The following CHMP2B variants were observed in gnomAD, a reference collection of about 807,000 sequenced individuals.
CHMP2B encodes the protein charged multivesicular body protein 2B, also known as VPS2 homolog B.
CHMP2B carries 22 observed loss-of-function variants against 29.8 expected under a neutral mutation model. The ratio of observed to expected loss-of-function variants is 0.74; its 90% CI spans 0.53 to 1.05. CHMP2B has a LOEUF of 1.05. Among genes scored for constraint, CHMP2B ranks in the 50% least tolerant of loss-of-function variants. The pLI is 0.00. For synonymous variants in CHMP2B, 78 were observed against 75.8 expected, an observed-to-expected ratio of 1.03 and a Z score of -0.15; for missense variants, 261 against 252.2, an observed-to-expected ratio of 1.03 and a Z score of -0.24.
chr3:87,246,026 A>C (rs1273550592), intron 3 of CHMP2B, 118 bp downstream of exon 3: 3 of 759,924 alleles, frequency 3.9e-6, no homozygotes, highest in Non-Finnish European at 6.5e-6. Context: ...AATGTGTGTA[A>C]TTTTTAGTAA....
chr3:87,233,291 T>A (rs1337239438), intron 1 of CHMP2B, among the ~76,000 whole-genome samples: 1 of 152,174 alleles, frequency 6.6e-6, no homozygotes, highest in Admixed American at 6.5e-5. Context: ...GAAGCAAATT[T>A]GGTTTGCATA....
At chr3:87,244,810 AC>A (rs1162527110) in intron 2 of CHMP2B, among the ~76,000 whole-genome samples, 1 of 152,166 alleles carries the variant, frequency 6.6e-6, no homozygotes, top group Admixed American at 6.5e-5. Flanking sequence ...GGAGTTTCCT[AC>A]AAATGTCAGT....
chr3:87,243,764 T>C (rs1281880690), intron 2 of CHMP2B, among the ~76,000 whole-genome samples: 1 of 152,130 alleles, frequency 6.6e-6, no homozygotes, highest in African/African-American at 2.4e-5. Context: ...TTTTAAAATA[T>C]ACTGATATAT....
At chr3:87,233,301 A>G (rs1705938576) in intron 1 of CHMP2B, among the ~76,000 whole-genome samples, 1 of 152,170 alleles carries the variant, frequency 6.6e-6, no homozygotes, top group African/African-American at 2.4e-5. Flanking sequence ...TGGTTTGCAT[A>G]TCAAATTCTA....
intron 1 of CHMP2B, among the ~76,000 whole-genome samples, chr3:87,230,500 A>T (rs1052211778): frequency 5.3e-5 from 8 of 152,158 alleles, no homozygotes; most frequent in Non-Finnish European, 1.2e-4. Context: ...TGCTCTTATC[A>T]AGCACATGGA....
chr3:87,253,424 A>T lies in CHMP2B; in HGVS notation c.445A>T (p.Ile149Phe), dbSNP rs1428901801. Residue 149 changes from isoleucine (I) to phenylalanine (F), a missense_variant, in exon 5 of 6, where the codon ATC becomes TTC. By Grantham distance (21) the Ile-to-Phe change is conservative. Transcript: ENST00000263780. Reference protein sequence around the residue: ...EEMINDTLDDIFDGSDDEEES... With the variant: ...EEMINDTLDDFFDGSDDEEES... ...CCTAGTCAATGATACACTTGATGAC[A>T]TCTTTGACGGTTCTGATGACGAAGA... 1.9e-6 allele frequency: 3 copies of T among 1,609,388 alleles called. No homozygotes were observed. In the Admixed American group the frequency reaches 5.0e-5, roughly 27 times the overall value.
chr3:87,252,011 G>A (rs941311222), intron 4 of CHMP2B, among the ~76,000 whole-genome samples: 15 of 151,534 alleles, frequency 9.9e-5, no homozygotes, highest in African/African-American at 3.6e-4. Context: ...ATTCCTTTAG[G>A]GGTTTTCTGC....
chr3:87,237,644 C>T (rs920748389), intron 1 of CHMP2B, among the ~76,000 whole-genome samples: 3 of 152,064 alleles, frequency 2.0e-5, no homozygotes, highest in Non-Finnish European at 4.4e-5. Context: ...GTTCTTAATA[C>T]GTTTGGTCAA....
At chr3:87,240,193 T>C (rs1006160825) in intron 1 of CHMP2B, 3 of 154,434 alleles carry the variant, frequency 1.9e-5, no homozygotes, top group Admixed American at 6.3e-5. Context: ...TCACCTGCTA[T>C]CAATTCTTTA....
At chr3:87,249,026 A>T (rs1445700294) in intron 3 of CHMP2B, among the ~76,000 whole-genome samples, 1 of 152,198 alleles carries the variant, frequency 6.6e-6, no homozygotes, top group African/African-American at 2.4e-5. Context: ...AGGCAATTTC[A>T]TCATTGTGTA....
At chr3:87,238,943 T>C (rs1706066052) in intron 1 of CHMP2B, among the ~76,000 whole-genome samples, 1 of 152,216 alleles carries the variant, frequency 6.6e-6, no homozygotes, top group Non-Finnish European at 1.5e-5. Flanking sequence ...CACATCTTCA[T>C]TAACACTTGT....
chr3:87,249,782 C>A, intron 3 of CHMP2B, 93 bp from the exon 4 acceptor site: 1 of 704,250 alleles, frequency 1.4e-6, no homozygotes, highest in African/African-American at 1.8e-5. Context: ...TTTTTAAAGC[C>A]TATCTATATT....
chr3:87,245,640 C>A, intron 2 of CHMP2B, 74 bp from the exon 3 acceptor site: 2 of 1,229,204 alleles, frequency 1.6e-6, no homozygotes, highest in East Asian at 2.4e-5. Context: ...TGTATTAGAT[C>A]TGTTCTTCTG....
chr3:87,242,203 A>G (rs1466930498), intron 2 of CHMP2B, among the ~76,000 whole-genome samples: 1 of 152,150 alleles, frequency 6.6e-6, no homozygotes, highest in African/African-American at 2.4e-5. Context: ...TTTATTAAGT[A>G]TATGTTGTAC....
At chr3:87,243,958 CTT>C (rs1559608457) in intron 2 of CHMP2B, among the ~76,000 whole-genome samples, 1 of 148,562 alleles carries the variant, frequency 6.7e-6, no homozygotes, top group East Asian at 2.0e-4. Context: ...AAGAAAATAA[CTT>C]TTGATTTTTT....
At chr3:87,231,354 C>A (rs1705907162) in intron 1 of CHMP2B, among the ~76,000 whole-genome samples, 2 of 152,138 alleles carry the variant, frequency 1.3e-5, no homozygotes, top group South Asian at 4.1e-4. Flanking sequence ...GCTTCTTTCG[C>A]TTCTTAAATA....
At chr3:87,251,028 G>A (rs2106914222) in intron 4 of CHMP2B, among the ~76,000 whole-genome samples, 1 of 151,926 alleles carries the variant, frequency 6.6e-6, no homozygotes, top group African/African-American at 2.4e-5. Context: ...AAAATTAAAT[G>A]TTTTACAACT....
chr3:87,241,477 C>G (rs1474449217), intron 2 of CHMP2B, among the ~76,000 whole-genome samples: 1 of 152,106 alleles, frequency 6.6e-6, no homozygotes, highest in Admixed American at 6.6e-5. Flanking sequence ...GCCTGTCTCC[C>G]TTTTTCCTGG....
intron 1 of CHMP2B, among the ~76,000 whole-genome samples, chr3:87,232,851 C>G (rs886196835): frequency 6.6e-6 from 1 of 152,148 alleles, no homozygotes; most frequent in East Asian, 1.9e-4. Flanking sequence ...AAACAAGACT[C>G]AAAAGTCTAC....
Sources: allele counts gnomAD v4.1 joint callset (sites outside exome capture counted in the v4.1 genomes callset), GRCh38; gene constraint gnomAD v4.1.1; transcripts MANE v1.5; gene names NCBI Gene and HGNC (gene_info 2026-07-23, HGNC 2026-07-21).